Variants in EFCAB5 observed in about 807,000 individuals in gnomAD.
EFCAB5 encodes the protein EF-hand calcium-binding domain-containing protein 5.
In EFCAB5, 131 loss-of-function variants were observed where a neutral mutation model predicts 167.9. The observed-to-expected ratio is 0.78, with a 90% CI of 0.68 to 0.90. The LOEUF (loss-of-function observed/expected upper bound fraction) is 0.90. EFCAB5 is among the 40% of genes least tolerant of loss of function. The probability of loss-of-function intolerance (pLI) is 0.00; values close to 1 mark genes in which losing one functional copy is unlikely to be tolerated. For synonymous variants in EFCAB5, 574 were observed against 602.8 expected (o/e 0.95, Z 0.70); for missense variants, 1,663 against 1,745.2 (o/e 0.95, Z 0.84).
chr17:30,029,373 A>G (rs2069416572), intron 7 of EFCAB5, among the ~76,000 whole-genome samples: 1 of 152,216 alleles, frequency 6.6e-6, no homozygotes, highest in Non-Finnish European at 1.5e-5. Context: ...CAAAAAGCTT[A>G]TTTTATAATG....
At chr17:30,102,167 G>A (rs983188542) in intron 22 of EFCAB5, among the ~76,000 whole-genome samples, 1 of 150,838 alleles carries the variant, frequency 6.6e-6, no homozygotes, top group African/African-American at 2.5e-5. Flanking sequence ...ATGAGAGTGA[G>A]TGGGTAGGTG....
intron 3 of EFCAB5, among the ~76,000 whole-genome samples, chr17:29,956,347 A>C (rs1242337567): frequency 2.0e-5 from 3 of 152,262 alleles, no homozygotes; most frequent in Non-Finnish European, 2.9e-5. Flanking sequence ...GAGCAACTCC[A>C]GGGCTATCAC....
intron 3 of EFCAB5, among the ~76,000 whole-genome samples, chr17:29,958,234 AC>A (rs2067655265): frequency 6.6e-6 from 1 of 152,122 alleles, no homozygotes; most frequent in African/African-American, 2.4e-5. Flanking sequence ...TAAACTTTCT[AC>A]CCAAATCTCT....
chr17:29,989,954 C>G (rs1446182335), intron 4 of EFCAB5, among the ~76,000 whole-genome samples: 1 of 152,110 alleles, frequency 6.6e-6, no homozygotes, highest in African/African-American at 2.4e-5. Context: ...TTTCCTAGTC[C>G]TACACCAGGG....
chr17:30,010,179 G>A (rs1021699852), intron 7 of EFCAB5, among the ~76,000 whole-genome samples: 2 of 152,228 alleles, frequency 1.3e-5, no homozygotes, highest in Admixed American at 6.5e-5. Context: ...GTATATATGT[G>A]CCACATTTTC....
At chr17:29,957,689 A>C (rs986342652) in intron 3 of EFCAB5, among the ~76,000 whole-genome samples, 5 of 152,232 alleles carry the variant, frequency 3.3e-5, no homozygotes, top group Non-Finnish European at 7.3e-5. Context: ...ATAGTATTCC[A>C]TAGTATATAT....
rs773758248 is a variant in EFCAB5, at chr17:30,053,713, G to C, written c.1759G>C (p.Gly587Arg). 1.2e-6 allele frequency: 2 copies of C among 1,613,962 alleles called. No individual in the cohort carries two copies. Among genetic ancestry groups the C allele is most frequent in the Non-Finnish European group, 1.7e-6 (2 of 1,179,878 alleles). Residue 587 changes from glycine (G) to arginine (R), a missense_variant, in exon 10 of 23, where the codon GGA (glycine) becomes CGA (arginine). Gly to Arg is a moderately radical substitution (Grantham distance 125). Coordinates refer to ENST00000394835, the MANE Select transcript of EFCAB5 (RefSeq NM_198529.4). Reference sequence around the variant, plus strand: ...GCACAAAGGGTCAATAGAAGGACAAGGACCACGCAGAGTGTCAGTTTCAGA... The same window carrying C: ...GCACAAAGGGTCAATAGAAGGACAACGACCACGCAGAGTGTCAGTTTCAGA... Reference protein sequence around the residue: ...GQHKGSIEGQGPRRVSVSEQG... With the variant: ...GQHKGSIEGQRPRRVSVSEQG...
chr17:30,079,224 C>T (rs1035773513), intron 15 of EFCAB5, among the ~76,000 whole-genome samples: 15 of 152,100 alleles, frequency 9.9e-5, no homozygotes, highest in African/African-American at 3.4e-4. Flanking sequence ...AATGGGGCAC[C>T]GGGACCAAAA....
chr17:29,989,055 A>T (rs968937785), intron 4 of EFCAB5, among the ~76,000 whole-genome samples: 3 of 152,232 alleles, frequency 2.0e-5, no homozygotes, highest in African/African-American at 7.2e-5. Flanking sequence ...TACGTATGGC[A>T]TAGGTAGGAA....
intron 3 of EFCAB5, among the ~76,000 whole-genome samples, chr17:29,946,019 G>A (rs2067390072): frequency 6.6e-6 from 1 of 152,074 alleles, no homozygotes; most frequent in African/African-American, 2.4e-5. Flanking sequence ...CTTCTGTACA[G>A]CAAAAGAAAT....
chr17:30,039,229 C>T (rs746304007), intron 8 of EFCAB5, among the ~76,000 whole-genome samples: 10 of 152,134 alleles, frequency 6.6e-5, no homozygotes, highest in African/African-American at 2.4e-5. Flanking sequence ...TGCTAACCAC[C>T]AAGTACGGTG....
At chr17:30,104,287 A>G (rs937938279) in intron 22 of EFCAB5, among the ~76,000 whole-genome samples, 3 of 152,218 alleles carry the variant, frequency 2.0e-5, no homozygotes, top group Non-Finnish European at 4.4e-5. Flanking sequence ...CTAATTATCC[A>G]TCATCCCCAA....
At chr17:29,930,883 G>A (rs1395037884) in intron 1 of EFCAB5, among the ~76,000 whole-genome samples, 1 of 152,198 alleles carries the variant, frequency 6.6e-6, no homozygotes, top group Non-Finnish European at 1.5e-5. Flanking sequence ...AGCCGGTTGT[G>A]AGGGTCCAGC....
At chr17:30,010,320 C>T (rs1407107253) in intron 7 of EFCAB5, among the ~76,000 whole-genome samples, 1 of 152,048 alleles carries the variant, frequency 6.6e-6, no homozygotes, top group African/African-American at 2.4e-5. Flanking sequence ...GGGTATATAC[C>T]CAGTAATGGG....
At chr17:30,054,429 G>T (rs1448273825) in intron 10 of EFCAB5, among the ~76,000 whole-genome samples, 3 of 152,130 alleles carry the variant, frequency 2.0e-5, no homozygotes, top group Admixed American at 2.0e-4. Context: ...TTTCTGAAAA[G>T]GTAGTAGAAG....
intron 3 of EFCAB5, among the ~76,000 whole-genome samples, chr17:29,968,201 G>A (rs2067873501): frequency 6.6e-6 from 1 of 152,128 alleles, no homozygotes; most frequent in Non-Finnish European, 1.5e-5. Flanking sequence ...CCTGCCAACT[G>A]AACCTCAGTG....
At chr17:29,955,607 C>T (rs574747220) in intron 3 of EFCAB5, among the ~76,000 whole-genome samples, 44 of 151,970 alleles carry the variant, frequency 2.9e-4, no homozygotes, top group African/African-American at 9.9e-4. Flanking sequence ...GACTAATACA[C>T]CAAGGAAGTG....
At chr17:29,984,318 GA>G (rs1423038306) in intron 4 of EFCAB5, among the ~76,000 whole-genome samples, 1 of 151,558 alleles carries the variant, frequency 6.6e-6, no homozygotes, top group Non-Finnish European at 1.5e-5. Flanking sequence ...AGAAGCAGAA[GA>G]AGACAAGCAG....
At chr17:30,033,640 C>G (rs755611480) in intron 7 of EFCAB5, among the ~76,000 whole-genome samples, 2 of 152,176 alleles carry the variant, frequency 1.3e-5, no homozygotes, top group Non-Finnish European at 2.9e-5. Context: ...CATTAATCCT[C>G]TAAGCTAGAA....
Sources: gnomAD v4.1 joint callset for allele counts (sites outside exome capture counted in the v4.1 genomes callset) on GRCh38, gnomAD v4.1.1 for gene constraint, MANE v1.5 for transcripts, NCBI Gene and HGNC (gene_info 2026-07-23, HGNC 2026-07-21) for gene names.